ESCO1: variants seen among roughly 807,000 people sequenced by gnomAD.
ESCO1 encodes N-acetyltransferase ESCO1.
ESCO1 carries 33 observed loss-of-function variants against 83.5 expected under a neutral mutation model. The observed-to-expected ratio is 0.40, with a 90% CI of 0.30 to 0.53. The LOEUF is 0.53. Among genes scored for constraint, ESCO1 ranks in the 20% least tolerant of loss-of-function variants. The pLI, the probability that ESCO1 is intolerant of heterozygous loss-of-function variation, is 0.63. For missense variants in ESCO1, 855 were observed against 968.0 expected (o/e 0.88, Z 1.55); for synonymous variants, 332 against 324.3 (o/e 1.02, Z -0.25).
rs1039755872 is a variant in ESCO1 at position 21,530,029 on chromosome 18, T to C, written c.*314A>G. The C allele has an allele frequency of 9.8e-6, 2 of 203,564 alleles. No individual in the cohort carries two copies. The highest frequency in any genetic ancestry group is 2.2e-4 in the East Asian group (2 of 8,914). The allele number at this position is 203,564 out of a possible 1,614,324, so 12.6% of individuals were successfully genotyped here. A position where few individuals can be genotyped will look rare whatever the true frequency, so the allele number is the denominator to read the frequency against. ...AAGAACTTCAAAATATACTTATCAC[T>C]GAGACCATAGTCCTTGCATTAGTTT... On this transcript the variant is annotated 3_prime_UTR_variant, in exon 12 of 12. Transcript: ENST00000269214.
intron 8 of ESCO1, among the ~76,000 whole-genome samples, chr18:21,546,135 G>A (rs969327026): frequency 6.6e-6 from 1 of 152,194 alleles, no homozygotes; most frequent in Non-Finnish European, 1.5e-5. Flanking sequence ...ATAGTGGTAA[G>A]GAGGATTTCA....
At position 21,574,788 on chromosome 18, in the gene ESCO1, C is replaced by T. The variant is rs199895696; in HGVS notation, c.56G>A (p.Ser19Asn). Residue 19 changes from serine (S) to asparagine (N), a missense_variant, in exon 4 of 12, where the codon AGT becomes AAT. Coordinates refer to ENST00000269214, the MANE Select transcript of ESCO1 (RefSeq NM_052911.3). ...KENSSKVTKK[S>N]DDKNSETEIQ... Reference sequence around the variant, plus strand: ...TTCTGTTTCTGAATTCTTATCGTCACTTTTTTTAGTAACTTTGGAGGAATT... The same window carrying T: ...TTCTGTTTCTGAATTCTTATCGTCATTTTTTTTAGTAACTTTGGAGGAATT... The T allele has an allele frequency of 1.2e-6, 2 of 1,601,008 alleles. No individual in the cohort carries two copies. Among genetic ancestry groups the T allele is most frequent in the East Asian group, 2.2e-5 (1 of 44,836 alleles).
chr18:21,590,341 C>T (rs1299161197), intron 1 of ESCO1, among the ~76,000 whole-genome samples: 1 of 151,808 alleles, frequency 6.6e-6, no homozygotes, highest in Non-Finnish European at 1.5e-5. Context: ...CTTGCCTCAG[C>T]CTCCTCAGTA....
At chr18:21,557,812 G>A (rs1052603663) in intron 8 of ESCO1, among the ~76,000 whole-genome samples, 2 of 152,136 alleles carry the variant, frequency 1.3e-5, no homozygotes, top group Non-Finnish European at 2.9e-5. Flanking sequence ...GGCTCAATAT[G>A]TATGCCAGGG....
intron 8 of ESCO1, among the ~76,000 whole-genome samples, chr18:21,560,455 C>G (rs1219087355): frequency 6.6e-6 from 1 of 151,548 alleles, no homozygotes; most frequent in African/African-American, 2.4e-5. Flanking sequence ...AAACAACCTA[C>G]TTGGTATAAT....
intron 2 of ESCO1, among the ~76,000 whole-genome samples, chr18:21,583,325 CAA>C (rs1456793382): frequency 6.6e-6 from 1 of 151,032 alleles, no homozygotes; most frequent in Non-Finnish European, 1.5e-5. Context: ...CTGTCTTTTA[CAA>C]AGGCACTAAT....
intron 8 of ESCO1, among the ~76,000 whole-genome samples, chr18:21,560,320 T>C (rs2038166057): frequency 1.3e-5 from 1 of 75,208 alleles, no homozygotes; most frequent in African/African-American, 5.0e-5. Context: ...ATTTACTCTG[T>C]GGGAATTTTT....
chr18:21,549,979 A>G (rs2038025237), intron 8 of ESCO1, among the ~76,000 whole-genome samples: 1 of 151,770 alleles, frequency 6.6e-6, no homozygotes, highest in Non-Finnish European at 1.5e-5. Context: ...AAAAAAAAAG[A>G]AGGTCACAAA....
chr18:21,536,319 G>A (rs778003608), intron 9 of ESCO1, 134 bp from the exon 10 acceptor site: 32 of 1,012,256 alleles, frequency 3.2e-5, no homozygotes, highest in Non-Finnish European at 4.3e-5. Flanking sequence ...GCTGGGTGTG[G>A]TGGTTCACAC....
intron 8 of ESCO1, 51 bp from the exon 9 acceptor site, chr18:21,540,060 G>T: frequency 7.0e-7 from 1 of 1,422,440 alleles, no homozygotes; most frequent in Non-Finnish European, 9.6e-7. Context: ...TGAATTTTAT[G>T]TATATTCTAT....
chr18:21,530,592 A>C, intron 11 of ESCO1, 102 bp from the exon 12 acceptor site: 1 of 1,192,018 alleles, frequency 8.4e-7, no homozygotes, highest in Non-Finnish European at 1.1e-6. Flanking sequence ...ATACAATTTG[A>C]CTAAAAAAGC....
intron 9 of ESCO1, among the ~76,000 whole-genome samples, 186 bp downstream of exon 9, chr18:21,539,734 C>G (rs1598978175): frequency 6.6e-6 from 1 of 151,922 alleles, no homozygotes; most frequent in African/African-American, 2.4e-5. Flanking sequence ...TGTAGTCCCA[C>G]CTACTCGGGA....
At chr18:21,586,879 G>T (rs757371192) in intron 1 of ESCO1, among the ~76,000 whole-genome samples, 3 of 152,096 alleles carry the variant, frequency 2.0e-5, no homozygotes, top group Non-Finnish European at 4.4e-5. Flanking sequence ...ATACTGTTAG[G>T]TATGATGTTA....
At position 21,574,114 on chromosome 18, in the gene ESCO1, A is replaced by G. The variant is rs2038381934; in HGVS notation, c.730T>C (p.Ser244Pro). ...RDETKPVPVT[S>P]EVKRSKMATS... The stretch of plus-strand genomic sequence containing the variant: ...GCCATTTTTGATCTTTTCACCTCAG[A>G]AGTTACAGGCACAGGTTTCGTTTCG... Residue 244 changes from serine (S) to proline (P), a missense_variant, in exon 4 of 12, where the codon TCT becomes CCT. Physicochemically the swap from Ser to Pro is moderately conservative, Grantham distance 74 (BLOSUM62 -1). This residue lies in a region of ESCO1 where 726 missense variants were observed against 699.5 expected (regional missense o/e 1.04). Transcript: ENST00000269214. 1 of 1,613,514 alleles carries G rather than the reference A, an allele frequency of 6.2e-7. No homozygotes were observed. Among genetic ancestry groups the G allele is most frequent in the African/African-American group, 1.3e-5 (1 of 75,006 alleles).
rs766755801 is a variant in ESCO1, at chr18:21,574,037, T to A, written c.807A>T (p.Gln269His). The A allele has an allele frequency of 6.2e-7, 1 of 1,613,018 alleles. No individual in the cohort carries two copies. Residue 269 changes from glutamine to histidine, a missense_variant, in exon 4 of 12, where the codon CAA becomes CAT. By Grantham distance (24) the Gln-to-His change is conservative (BLOSUM62 0). This residue lies in a region of ESCO1 where 726 missense variants were observed against 699.5 expected (regional missense o/e 1.04). Transcript: ENST00000269214. Reference sequence around the variant, plus strand: ...TTGGGAGTGTTGTGTTAGTATTCACTTGTGTATGAACCGACTTCTTCATCT... The same window carrying A: ...TTGGGAGTGTTGTGTTAGTATTCACATGTGTATGAACCGACTTCTTCATCT... ...KNEMKKSVHT[Q>H]VNTNTTLPKS...
intron 8 of ESCO1, among the ~76,000 whole-genome samples, chr18:21,540,280 G>A (rs559100177): frequency 8.5e-5 from 13 of 152,132 alleles, no homozygotes; most frequent in South Asian, 2.1e-4. Context: ...ATCATTTCCC[G>A]TTTTAAATTA....
chr18:21,568,902 C>CAA (rs35472054), intron 4 of ESCO1, among the ~76,000 whole-genome samples: 4 of 101,754 alleles, frequency 3.9e-5, no homozygotes, highest in Non-Finnish European at 4.0e-5. Context: ...GACTCCATCT[C>CAA]AAAAAAAAAA....
intron 4 of ESCO1, among the ~76,000 whole-genome samples, chr18:21,571,228 C>T (rs1027124388): frequency 6.6e-6 from 1 of 151,902 alleles, no homozygotes; most frequent in Non-Finnish European, 1.5e-5. Context: ...CACTCTGTCA[C>T]CCAGGCTGGA....
In ESCO1 at chr18:21,573,912, G is replaced by A. The variant is rs2038377512; in HGVS notation, c.932C>T (p.Ala311Val). Residue 311 changes from alanine to valine, a missense_variant, in exon 4 of 12, where the codon GCT becomes GTT. By Grantham distance (64) the Ala-to-Val change is moderately conservative. This residue lies in a region of ESCO1 where 726 missense variants were observed against 699.5 expected (regional missense o/e 1.04). Coordinates refer to ENST00000269214, the MANE Select transcript of ESCO1 (RefSeq NM_052911.3). ...TACATTATCTGACTCAATTTCACCAGCAATTTCTTCACAGAGCTGGAGAAT... is the reference window on the plus strand; with the variant it reads ...TACATTATCTGACTCAATTTCACCAACAATTTCTTCACAGAGCTGGAGAAT... ...GSILQLCEEIAGEIESDNVEV... is the reference protein window; with the variant it reads ...GSILQLCEEIVGEIESDNVEV... The A allele has an allele frequency of 6.2e-7, 1 of 1,613,788 alleles. No individual in the cohort carries two copies. Among genetic ancestry groups the A allele is most frequent in the African/African-American group, 1.3e-5 (1 of 74,856 alleles).
Sources: gnomAD v4.1 joint callset for allele counts (sites outside exome capture counted in the v4.1 genomes callset) on GRCh38, gnomAD v4.1.1 for gene constraint, gnomAD v4.1.1 regional missense constraint, MANE v1.5 for transcripts, NCBI Gene and HGNC (gene_info 2026-07-23, HGNC 2026-07-21) for gene names.